Variants in DOCK1 observed in about 807,000 individuals in gnomAD.
DOCK1 encodes the protein dedicator of cytokinesis protein 1.
In DOCK1, 138 loss-of-function variants were observed where a neutral mutation model predicts 262.7. That is an observed-to-expected ratio of 0.53 (90% confidence interval 0.46 to 0.61). The LOEUF is 0.61. DOCK1 is among the 20% of genes least tolerant of loss of function. The pLI is 0.00. For synonymous variants in DOCK1, 866 were observed against 867.4 expected, an observed-to-expected ratio of 1.00 and a Z score of 0.03; for missense variants, 1,908 against 2,370.7, an observed-to-expected ratio of 0.80 and a Z score of 4.05.
At chr10:126,937,566 G>T (rs931188607) in intron 1 of DOCK1, among the ~76,000 whole-genome samples, 9 of 150,986 alleles carry the variant, frequency 6.0e-5, no homozygotes, top group African/African-American at 1.7e-4. Context: ...GTGTGAAGTG[G>T]TATCTTACTG....
In DOCK1 at chr10:127,110,337, A is replaced by G; in HGVS notation, c.2606A>G (p.Asp869Gly). ...LYCLIEIVHSDLFTQHDCREI... is the reference protein window; with the variant it reads ...LYCLIEIVHSGLFTQHDCREI... ...TGCTTGATCGAAATCGTCCACAGTG[A>G]CCTCTTCACACAGCATGGTGAGTGG... The change falls in exon 25 of 52, where the codon GAC becomes GGC. Residue 869 changes from aspartate (D) to glycine (G), a missense_variant. Physicochemically the swap from Asp to Gly is moderately conservative, Grantham distance 94 (BLOSUM62 -1). This residue lies in a region of DOCK1 where 518 missense variants were observed against 575.1 expected (regional missense o/e 0.90). Coordinates refer to ENST00000623213, the MANE Select transcript of DOCK1 (RefSeq NM_001290223.2). 1 of 1,612,744 alleles carries G rather than the reference A, an allele frequency of 6.2e-7. No homozygotes were observed. Among genetic ancestry groups the G allele is most frequent in the Non-Finnish European group, 8.5e-7 (1 of 1,179,434 alleles).
intron 4 of DOCK1, among the ~76,000 whole-genome samples, chr10:126,985,926 C>T (rs2134925443): frequency 6.6e-6 from 1 of 152,286 alleles, no homozygotes; most frequent in African/African-American, 2.4e-5. Flanking sequence ...CTCACTGCAA[C>T]TTCCGTCTCC....
chr10:127,165,311 C>T (rs1395205403), intron 27 of DOCK1, among the ~76,000 whole-genome samples: 1 of 152,146 alleles, frequency 6.6e-6, no homozygotes, highest in Admixed American at 6.5e-5. Context: ...TTTCAAAAGC[C>T]TGACCTTGCA....
chr10:127,173,840 T>C (rs1020941465), intron 27 of DOCK1, among the ~76,000 whole-genome samples: 6 of 152,200 alleles, frequency 3.9e-5, no homozygotes, highest in African/African-American at 1.4e-4. Context: ...CTTTTGGAAA[T>C]GTTATATGGT....
At chr10:127,331,575 C>T (rs552478001) in intron 29 of DOCK1, among the ~76,000 whole-genome samples, 2 of 152,290 alleles carry the variant, frequency 1.3e-5, no homozygotes, top group East Asian at 3.9e-4. Context: ...AGCCACGGCG[C>T]CCGGCCCGGA....
chr10:127,181,490 C>T (rs2055731014), intron 27 of DOCK1, among the ~76,000 whole-genome samples: 1 of 152,152 alleles, frequency 6.6e-6, no homozygotes, highest in Non-Finnish European at 1.5e-5. Context: ...AGACACCTCC[C>T]AGGGCCCAGC....
At chr10:127,277,886 C>A (rs957857877) in intron 29 of DOCK1, among the ~76,000 whole-genome samples, 1 of 152,142 alleles carries the variant, frequency 6.6e-6, no homozygotes, top group Non-Finnish European at 1.5e-5. Context: ...TCTTTTTAAT[C>A]TTTTCAAATC....
intron 23 of DOCK1, among the ~76,000 whole-genome samples, chr10:127,102,359 G>A (rs182185693): frequency 2.6e-5 from 4 of 152,270 alleles, no homozygotes; most frequent in Admixed American, 2.0e-4. Context: ...CCAGCACCTA[G>A]AAACTTGTCT....
At chr10:127,133,645 T>C (rs1408143286) in intron 27 of DOCK1, among the ~76,000 whole-genome samples, 1 of 152,236 alleles carries the variant, frequency 6.6e-6, no homozygotes, top group Non-Finnish European at 1.5e-5. Flanking sequence ...AAAAACCACA[T>C]TGTTGAATGG....
intron 29 of DOCK1, among the ~76,000 whole-genome samples, chr10:127,278,635 AG>A (rs1261406201): frequency 6.6e-6 from 1 of 152,234 alleles, no homozygotes; most frequent in East Asian, 1.9e-4. Context: ...CTGATCACCC[AG>A]CAAAGCACCA....
chr10:127,451,697 G>A lies in DOCK1; in HGVS notation c.*270G>A, dbSNP rs1190927335. On this transcript the variant is annotated 3_prime_UTR_variant, in exon 52 of 52. Transcript: ENST00000623213. The stretch of plus-strand genomic sequence containing the variant: ...GGCCTCTGAGTGTGTCTGGCTCTGA[G>A]AGAGTCTGAGTCTTGCCCAAACATT... 3.5e-6 allele frequency: 2 copies of A among 574,576 alleles called. No individual in the cohort carries two copies. The highest frequency in any genetic ancestry group is 5.6e-6 in the Non-Finnish European group (2 of 358,088). The allele number at this position is 574,576 out of a possible 1,614,324, so 35.6% of individuals were successfully genotyped here.
rs114560223 is a variant in DOCK1 at position 127,273,750 on chromosome 10, G to A, written c.3044+16321G>A. On this transcript the variant is annotated intron_variant, in intron 29 of 51. Transcript: ENST00000623213. The stretch of plus-strand genomic sequence containing the variant: ...TAAAAAAAGTTAGCCGGGTGCGATG[G>A]CAGGCACCTGTAGTCCAGCTACTTG... 2.2e-3 allele frequency among the ~76,000 whole-genome samples: 332 copies of A among 152,116 alleles called. 1 individual carries two copies. The highest frequency in any genetic ancestry group is 7.4e-3 in the African/African-American group (307 of 41,502).
chr10:127,034,990 G>A (rs1182715768), intron 18 of DOCK1, among the ~76,000 whole-genome samples: 1 of 152,168 alleles, frequency 6.6e-6, no homozygotes, highest in East Asian at 1.9e-4. Flanking sequence ...GAGGGAGAGG[G>A]CACCCTGCTC....
intron 35 of DOCK1, among the ~76,000 whole-genome samples, chr10:127,378,412 G>A (rs1285055306): frequency 6.6e-6 from 1 of 152,126 alleles, no homozygotes; most frequent in Non-Finnish European, 1.5e-5. Flanking sequence ...CTGGTGTGGG[G>A]GGACTTGAGA....
intron 27 of DOCK1, among the ~76,000 whole-genome samples, chr10:127,219,212 T>G (rs2134417758): frequency 6.6e-6 from 1 of 152,326 alleles, no homozygotes; most frequent in Non-Finnish European, 1.5e-5. Flanking sequence ...CATAAATTCA[T>G]CTTGGGTGGA....
intron 27 of DOCK1, among the ~76,000 whole-genome samples, chr10:127,174,463 T>C (rs924684656): frequency 6.6e-6 from 1 of 152,208 alleles, no homozygotes; most frequent in African/African-American, 2.4e-5. Flanking sequence ...TCATTTGTTT[T>C]TAAAGATGCT....
At chr10:127,126,606 A>G (rs530203411) in intron 26 of DOCK1, among the ~76,000 whole-genome samples, 12 of 152,274 alleles carry the variant, frequency 7.9e-5, no homozygotes, top group African/African-American at 2.4e-4. Context: ...TTGTGCCAGC[A>G]CATATGGAAA....
intron 10 of DOCK1, among the ~76,000 whole-genome samples, chr10:127,002,550 T>C (rs1175256652): frequency 2.0e-5 from 3 of 152,210 alleles, no homozygotes; most frequent in Non-Finnish European, 2.9e-5. Context: ...TGCTCACTTA[T>C]GCTTGCTTGG....
intron 18 of DOCK1, among the ~76,000 whole-genome samples, chr10:127,035,075 C>A (rs1296418000): frequency 1.3e-5 from 2 of 152,192 alleles, no homozygotes; most frequent in Non-Finnish European, 2.9e-5. Context: ...GGAAGTCTGC[C>A]TTTCATTTCT....
Sources: gnomAD v4.1 joint callset for allele counts (sites outside exome capture counted in the v4.1 genomes callset) on GRCh38, gnomAD v4.1.1 for gene constraint, gnomAD v4.1.1 regional missense constraint, MANE v1.5 for transcripts, NCBI Gene and HGNC (gene_info 2026-07-23, HGNC 2026-07-21) for gene names.